The following FAM53A variants were observed in gnomAD, a reference collection of about 807,000 sequenced individuals.
FAM53A encodes protein FAM53A.
FAM53A carries 28 observed loss-of-function variants against 26.6 expected under a neutral mutation model. That is an observed-to-expected ratio of 1.05 (90% CI 0.78 to 1.45). The LOEUF is 1.45. Among genes scored for constraint, FAM53A ranks in the 40% most tolerant of loss-of-function variants. FAM53A has a pLI of 0.00. For missense variants in FAM53A, 650 were observed against 575.8 expected, an observed-to-expected ratio of 1.13 and a Z score of -1.32; for synonymous variants, 290 against 253.1, an observed-to-expected ratio of 1.15 and a Z score of -1.38.
chr4:1,685,720 A>C (rs1715776198), upstream of FAM53A, among the ~76,000 whole-genome samples: 1 of 152,136 alleles, frequency 6.6e-6, no homozygotes, highest in South Asian at 2.1e-4. Context: ...CGTCCAGGCC[A>C]TTCTCTTCGC....
the FAM53A span, among the ~76,000 whole-genome samples, chr4:1,605,904 G>A: frequency 6.6e-6 from 1 of 152,096 alleles, no homozygotes; most frequent in African/African-American, 2.4e-5. This position sits in a 1 kb window ranked among gnomAD's most constrained non-coding sequence, Gnocchi z 5.7. Context: ...GGGGACCCTC[G>A]TTGTCCCGTT....
chr4:1,638,842 G>A (rs1715967913), downstream of FAM53A, among the ~76,000 whole-genome samples: 1 of 152,224 alleles, frequency 6.6e-6, no homozygotes, highest in African/African-American at 2.4e-5. Flanking sequence ...GACTCAGGTA[G>A]CGAGAGTCAG....
the FAM53A span, among the ~76,000 whole-genome samples, chr4:1,594,935 AG>A: frequency 6.6e-6 from 1 of 152,188 alleles, no homozygotes; most frequent in Non-Finnish European, 1.5e-5. Context: ...TCGGGTGTGG[AG>A]GGGGAAGTCT....
chr4:1,662,566 C>T (rs1191697934), intron 2 of FAM53A, among the ~76,000 whole-genome samples: 3 of 145,434 alleles, frequency 2.1e-5, no homozygotes, highest in Non-Finnish European at 4.5e-5. Context: ...AGGAGGATCA[C>T]TTGAGCCCAG....
rs183824145 is a variant in FAM53A at position 1,648,890 on chromosome 4, A to G, written c.882+6088T>C. Among the ~76,000 whole-genome samples the G allele has an allele frequency of 7.2e-3, 1,102 of 152,308 alleles. 17 individuals are homozygous for G. Among genetic ancestry groups the G allele is most frequent in the African/African-American group, 0.025 (1,042 of 41,566 alleles). ...CACTTTGTGAGGCCAAGGCAGGCGG[A>G]TTACCTGAGGCCAAGAGTTCAAGAC... On this transcript the variant is annotated intron_variant, in intron 4 of 4. Transcript: ENST00000308132.
the FAM53A span, among the ~76,000 whole-genome samples, chr4:1,579,720 G>A: frequency 6.6e-6 from 1 of 152,180 alleles, no homozygotes; most frequent in Non-Finnish European, 1.5e-5. Context: ...GCGAGCCACG[G>A]CCACGCGTGT....
At chr4:1,626,037 C>T (rs186018889) in intron 1 of FAM53A, among the ~76,000 whole-genome samples, 28 of 152,302 alleles carry the variant, frequency 1.8e-4, no homozygotes, top group African/African-American at 3.4e-4. Context: ...TTTCCTGCCC[C>T]GACTCGGTGT....
At chr4:1,613,052 G>A (rs1198496941), downstream of FAM53A, among the ~76,000 whole-genome samples, 1 of 152,210 alleles carries the variant, frequency 6.6e-6, no homozygotes, top group Non-Finnish European at 1.5e-5. Flanking sequence ...GGTCAGCAGA[G>A]GCAGCCTCTG....
At chr4:1,622,046 T>C (rs1306503113) in intron 1 of FAM53A, among the ~76,000 whole-genome samples, 3 of 152,046 alleles carry the variant, frequency 2.0e-5, no homozygotes, top group East Asian at 3.9e-4. Flanking sequence ...CCTTCCTCCT[T>C]CCCCTCTGCC....
chr4:1,670,028 G>C (rs552557783), intron 1 of FAM53A, among the ~76,000 whole-genome samples: 6 of 152,350 alleles, frequency 3.9e-5, no homozygotes, highest in African/African-American at 1.4e-4. Flanking sequence ...GCAACCCGTA[G>C]GCAGCACCGC....
chr4:1,661,142 T>C (rs2108951861), intron 2 of FAM53A, among the ~76,000 whole-genome samples: 1 of 152,136 alleles, frequency 6.6e-6, no homozygotes, highest in South Asian at 2.1e-4. Context: ...GCTGCTCTGG[T>C]CCTGGCTGCC....
chr4:1,576,720 C>T, the FAM53A span, among the ~76,000 whole-genome samples: 29 of 152,330 alleles, frequency 1.9e-4, no homozygotes, highest in Admixed American at 1.5e-3. Flanking sequence ...GACTGTGCCC[C>T]GGCTGGGGCC....
chr4:1,600,934 G>A, the FAM53A span, among the ~76,000 whole-genome samples: 2 of 152,214 alleles, frequency 1.3e-5, no homozygotes, highest in African/African-American at 4.8e-5. Context: ...CTCGACGTCT[G>A]GGACATGGCG....
chr4:1,613,463 G>A (rs1714699868), downstream of FAM53A, among the ~76,000 whole-genome samples: 2 of 152,220 alleles, frequency 1.3e-5, no homozygotes, highest in South Asian at 4.2e-4. Flanking sequence ...TAGTCCTACT[G>A]TTGGAGCTAA....
intron 4 of FAM53A, 42 bp from the exon 5 acceptor site, chr4:1,641,649 T>C (rs778940367): frequency 6.2e-7 from 1 of 1,604,614 alleles, no homozygotes; most frequent in Admixed American, 1.7e-5. Flanking sequence ...TTCTAGCAGA[T>C]CACACAGGAG....
intron 1 of FAM53A, among the ~76,000 whole-genome samples, chr4:1,679,481 T>C (rs1404452120): frequency 7.2e-6 from 1 of 139,208 alleles, no homozygotes; most frequent in Non-Finnish European, 1.5e-5. Context: ...AGGTCAGGAG[T>C]TCGAGACCAG....
intron 1 of FAM53A, among the ~76,000 whole-genome samples, chr4:1,622,940 TGGGCCTCCCGC>T (rs1447893048): frequency 6.6e-6 from 1 of 152,234 alleles, no homozygotes; most frequent in African/African-American, 2.4e-5. Context: ...ACGCTTTGCC[TGGGCCTCCCGC>T]GTGTCCCTCC....
At chr4:1,685,779 G>C (rs1341749633), upstream of FAM53A, among the ~76,000 whole-genome samples, 1 of 152,152 alleles carries the variant, frequency 6.6e-6, no homozygotes, top group African/African-American at 2.4e-5. Flanking sequence ...TGCTGGCCAG[G>C]TTACCCAAAG....
chr4:1,661,125 G>A (rs745395992), intron 2 of FAM53A, among the ~76,000 whole-genome samples: 7 of 151,854 alleles, frequency 4.6e-5, no homozygotes, highest in East Asian at 1.9e-4. Flanking sequence ...CCCTCAGCCC[G>A]GGAACTGCTG....
Sources: gnomAD v4.1 joint callset for allele counts (sites outside exome capture counted in the v4.1 genomes callset) on GRCh38, gnomAD v4.1.1 for gene constraint, Gnocchi (gnomAD v3.1) non-coding constraint, MANE v1.5 for transcripts, NCBI Gene and HGNC (gene_info 2026-07-23, HGNC 2026-07-21) for gene names.